PTPN9: variants seen among roughly 807,000 people sequenced by gnomAD.
PTPN9 encodes the protein protein tyrosine phosphatase non-receptor type 9.
PTPN9 carries 26 observed loss-of-function variants against 69.8 expected under a neutral mutation model. The ratio of observed to expected loss-of-function variants is 0.37; its 90% CI spans 0.27 to 0.52. PTPN9 has a LOEUF of 0.52. PTPN9 is among the 20% of genes least tolerant of loss of function. The pLI is 0.91. For missense variants in PTPN9, 549 were observed against 740.3 expected, an observed-to-expected ratio of 0.74 and a Z score of 3.00; for synonymous variants, 274 against 272.5, an observed-to-expected ratio of 1.01 and a Z score of -0.05.
intron 7 of PTPN9, among the ~76,000 whole-genome samples, chr15:75,500,413 C>T (rs1330584221): frequency 6.6e-6 from 1 of 151,956 alleles, no homozygotes; most frequent in Non-Finnish European, 1.5e-5. Context: ...GTGGCACACA[C>T]CTGTAATTCC....
Position 75,579,223 on chromosome 15 carries a change from GGCCGCCCA to G in PTPN9, c.-455_-448del, listed in dbSNP as rs1217657475. The G allele has an allele frequency of 6.6e-6, 1 of 152,218 alleles. No individual in the cohort carries two copies. Among genetic ancestry groups the G allele is most frequent in the East Asian group, 1.9e-4 (1 of 5,174 alleles). The allele number at this position is 152,218 out of a possible 1,614,324, so 9.4% of individuals were successfully genotyped here. ...TCCTCCACAGCGCCACAGAGCTCGG[GGCCGCCCA>G]GCCGGGCCGTCCTCGCGGACGCTGG... On this transcript the variant is annotated 5_prime_UTR_variant, in exon 1 of 13. Transcript: ENST00000618819.
intron 1 of PTPN9, among the ~76,000 whole-genome samples, chr15:75,578,133 G>T (rs2075182279): frequency 6.6e-6 from 1 of 152,174 alleles, no homozygotes; most frequent in African/African-American, 2.4e-5. Flanking sequence ...AGCTGAATAG[G>T]GGGGTCAAGG....
At chr15:75,562,628 G>A (rs1011853521) in intron 1 of PTPN9, among the ~76,000 whole-genome samples, 25 of 151,852 alleles carry the variant, frequency 1.6e-4, no homozygotes, top group African/African-American at 6.0e-4. Flanking sequence ...TCAGGAGATC[G>A]AGACCATCCT....
chr15:75,526,879 C>T (rs994536139), intron 2 of PTPN9, among the ~76,000 whole-genome samples: 2 of 152,176 alleles, frequency 1.3e-5, no homozygotes, highest in African/African-American at 4.8e-5. Context: ...CTACTTCCTC[C>T]GTCTCAATCA....
rs976883673 is a variant in PTPN9 at position 75,540,605 on chromosome 15, T to C, written c.64-13344A>G. On this transcript the variant is annotated intron_variant, in intron 1 of 12. Coordinates refer to ENST00000618819, the MANE Select transcript of PTPN9 (RefSeq NM_002833.4). ...AAAGAAAAATGTGAATCAGGTCTGA[T>C]TGGAAGCACTACTTCTGCTGCCTTC... is the stretch of plus-strand genomic sequence containing the variant. Among the ~76,000 whole-genome samples the C allele has an allele frequency of 2.0e-5, 3 of 150,614 alleles. 1 individual carries two copies. The highest frequency in any genetic ancestry group is 3.9e-4 in the East Asian group (2 of 5,094).
chr15:75,564,382 C>A (rs528189407), intron 1 of PTPN9, among the ~76,000 whole-genome samples: 3 of 152,044 alleles, frequency 2.0e-5, no homozygotes, highest in Non-Finnish European at 4.4e-5. Context: ...ATCAGGAGGT[C>A]AGAAGATTGA....
At chr15:75,544,851 GGAAA>G (rs2075025172) in intron 1 of PTPN9, among the ~76,000 whole-genome samples, 2 of 152,050 alleles carry the variant, frequency 1.3e-5, no homozygotes, top group South Asian at 4.1e-4. Context: ...TTAGACTTTA[GGAAA>G]GAAAGGAGGA....
Position 75,465,938 on chromosome 15 carries a change from C to A in PTPN9, c.*2831G>T, listed in dbSNP as rs1162868774. 1.3e-5 allele frequency: 2 copies of A among 152,236 alleles called. No homozygotes were observed. The highest frequency in any genetic ancestry group is 1.3e-4 in the Admixed American group (2 of 15,284). 9.4% of individuals were successfully genotyped at this position (152,236 alleles called of 1,614,324 possible). ...TGGTTTCTCAGATTTCCAAGAATCT[C>A]TGTTCACTTCTTATGTTTGTGCACT... On this transcript the variant is annotated 3_prime_UTR_variant, in exon 13 of 13. Transcript: ENST00000618819.
chr15:75,531,394 C>A (rs762659489), intron 1 of PTPN9, among the ~76,000 whole-genome samples: 8 of 152,074 alleles, frequency 5.3e-5, no homozygotes, highest in Non-Finnish European at 8.8e-5. Context: ...GAGAAGACAA[C>A]AGGACAAACT....
At chr15:75,517,749 G>GT (rs879590890) in intron 4 of PTPN9, among the ~76,000 whole-genome samples, 2 of 152,142 alleles carry the variant, frequency 1.3e-5, no homozygotes, top group Admixed American at 6.5e-5. Flanking sequence ...GCTACCAATT[G>GT]TTTTTTCCCT....
chr15:75,516,885 T>C (rs1411979668), intron 5 of PTPN9, among the ~76,000 whole-genome samples: 1 of 151,444 alleles, frequency 6.6e-6, no homozygotes, highest in African/African-American at 2.4e-5. Flanking sequence ...CCTGGGACTA[T>C]AGGCACGCGC....
At chr15:75,564,552 C>T (rs1269585455) in intron 1 of PTPN9, among the ~76,000 whole-genome samples, 1 of 150,366 alleles carries the variant, frequency 6.7e-6, no homozygotes, top group Non-Finnish European at 1.5e-5. Flanking sequence ...GCCAGAATCG[C>T]GCCACTGACT....
rs1271021591 is a variant in PTPN9 at position 75,464,836 on chromosome 15, C to A, written c.*3933G>T. Reference sequence around the variant, plus strand: ...CAAGTCCTACTCTGTCATTTACCTGCATACTGTCACATGAAGACTGATAAG... The same window carrying A: ...CAAGTCCTACTCTGTCATTTACCTGAATACTGTCACATGAAGACTGATAAG... On this transcript the variant is annotated 3_prime_UTR_variant, in exon 13 of 13. Transcript: ENST00000618819. The A allele has an allele frequency of 6.6e-6, 1 of 152,196 alleles. No individual in the cohort carries two copies. Among genetic ancestry groups the A allele is most frequent in the Non-Finnish European group, 1.5e-5 (1 of 68,048 alleles). The allele number at this position is 152,196 out of a possible 1,614,324, so 9.4% of individuals were successfully genotyped here. A position where few individuals can be genotyped will look rare whatever the true frequency, so the allele number is the denominator to read the frequency against.
At chr15:75,549,373 G>A (rs1198627011) in intron 1 of PTPN9, among the ~76,000 whole-genome samples, 1 of 151,810 alleles carries the variant, frequency 6.6e-6, no homozygotes, top group African/African-American at 2.4e-5. Flanking sequence ...GCTAATTTCT[G>A]TATTTTTTGT....
chr15:75,550,167 G>GTTT (rs754056439), intron 1 of PTPN9, among the ~76,000 whole-genome samples: 5 of 138,412 alleles, frequency 3.6e-5, no homozygotes, highest in Non-Finnish European at 6.4e-5. Flanking sequence ...CCCTGTGGTA[G>GTTT]TTTTTTTTTT....
At chr15:75,490,092 C>T (rs1226730758) in intron 8 of PTPN9, 116 bp downstream of exon 8, 8 of 852,432 alleles carry the variant, frequency 9.4e-6, no homozygotes, top group Non-Finnish European at 1.3e-5. Context: ...AAACTCAAAC[C>T]TAATCTCTCT....
intron 5 of PTPN9, among the ~76,000 whole-genome samples, chr15:75,511,715 A>G (rs1170894754): frequency 2.0e-5 from 3 of 152,222 alleles, no homozygotes; most frequent in Non-Finnish European, 2.9e-5. Flanking sequence ...AGTTTTAACA[A>G]AGTCACAATA....
intron 9 of PTPN9, among the ~76,000 whole-genome samples, chr15:75,474,350 C>T (rs1235553009): frequency 6.6e-6 from 1 of 152,080 alleles, no homozygotes; most frequent in African/African-American, 2.4e-5. Flanking sequence ...AAAACCCCAT[C>T]TCTATGAAAA....
At chr15:75,502,474 G>C (rs936826030) in intron 7 of PTPN9, among the ~76,000 whole-genome samples, 1 of 151,964 alleles carries the variant, frequency 6.6e-6, no homozygotes, top group Non-Finnish European at 1.5e-5. Flanking sequence ...GAGAGGGAGG[G>C]AGGAAGGAAG....
Sources: allele counts gnomAD v4.1 joint callset (sites outside exome capture counted in the v4.1 genomes callset), GRCh38; gene constraint gnomAD v4.1.1; transcripts MANE v1.5; gene names NCBI Gene and HGNC (gene_info 2026-07-23, HGNC 2026-07-21).